Variants in GPD2 observed in about 807,000 individuals in gnomAD.
The protein encoded by GPD2 is glycerol-3-phosphate dehydrogenase 2.
GPD2 carries 54 observed loss-of-function variants against 82.4 expected under a neutral mutation model. The observed-to-expected ratio is 0.66, with a 90% CI of 0.53 to 0.82. The LOEUF (loss-of-function observed/expected upper bound fraction) is 0.82, where lower values mean the gene tolerates loss of function less well. Among genes scored for constraint, GPD2 ranks in the 40% least tolerant of loss-of-function variants. The pLI is 0.00. For missense variants in GPD2, 748 were observed against 896.2 expected (o/e 0.83, Z 2.11); for synonymous variants, 288 against 306.1 (o/e 0.94, Z 0.62).
rs1388602897 is a variant in GPD2 at position 156,585,233 on chromosome 2, G to A, written c.*2315G>A. 6.6e-6 allele frequency: 1 copy of A among 152,318 alleles called. No individual in the cohort carries two copies. Among genetic ancestry groups the A allele is most frequent in the African/African-American group, 2.4e-5 (1 of 41,384 alleles). 9.4% of individuals were successfully genotyped at this position (152,318 alleles called of 1,614,324 possible). On this transcript the variant is annotated 3_prime_UTR_variant, in exon 17 of 17. Coordinates refer to ENST00000438166, the MANE Select transcript of GPD2 (RefSeq NM_000408.5). The stretch of plus-strand genomic sequence containing the variant: ...TACCTGATTTAAGAAAGGGAGACAA[G>A]CAATAGGGGGGAATAAGCTTCTTCA...
At chr2:156,488,315 G>C (rs1409046407) in intron 2 of GPD2, among the ~76,000 whole-genome samples, 2 of 152,164 alleles carry the variant, frequency 1.3e-5, no homozygotes, top group African/African-American at 2.4e-5. Context: ...ATGCTTGTTG[G>C]ATTTTCCTTT....
At chr2:156,441,413 G>A (rs924817207) in intron 1 of GPD2, among the ~76,000 whole-genome samples, 11 of 152,050 alleles carry the variant, frequency 7.2e-5, no homozygotes, top group Admixed American at 6.6e-4. Context: ...GAAAAAACTA[G>A]CCAGGTGTGG....
chr2:156,479,816 C>T (rs1278606452), intron 2 of GPD2, among the ~76,000 whole-genome samples: 1 of 152,076 alleles, frequency 6.6e-6, no homozygotes, highest in Non-Finnish European at 1.5e-5. Context: ...ATTTTCTTGT[C>T]CCCTTTTCTT....
At chr2:156,400,660 C>T in the GPD2 span, among the ~76,000 whole-genome samples, 7 of 152,334 alleles carry the variant, frequency 4.6e-5, no homozygotes, top group Non-Finnish European at 7.3e-5. Flanking sequence ...AAACATATTT[C>T]AGAAGCACTC....
Position 156,582,942 on chromosome 2 carries a change from A to G in GPD2, c.*24A>G, listed in dbSNP as rs752911534. The G allele has an allele frequency of 6.2e-7, 1 of 1,611,910 alleles. No individual in the cohort carries two copies. Among genetic ancestry groups the G allele is most frequent in the Middle Eastern group, 1.7e-4 (1 of 6,050 alleles). On this transcript the variant is annotated 3_prime_UTR_variant, in exon 17 of 17. Transcript: ENST00000438166. ...GAGTCTGGGCAGTAAATCCACAGCC[A>G]ACAAACATAGAAACGACAAATCACC...
At chr2:156,522,030 TA>T (rs1473361429) in intron 6 of GPD2, among the ~76,000 whole-genome samples, 1 of 152,028 alleles carries the variant, frequency 6.6e-6, no homozygotes, top group African/African-American at 2.4e-5. Flanking sequence ...CAGCTAATGC[TA>T]AATGAAGTTT....
At chr2:156,578,622 G>A (rs919895032) in intron 13 of GPD2, among the ~76,000 whole-genome samples, 27 of 152,202 alleles carry the variant, frequency 1.8e-4, no homozygotes, top group African/African-American at 6.5e-4. Flanking sequence ...GTGTTTGCCT[G>A]TGGCTAGAGA....
At chr2:156,431,979 C>T (rs1382911424), upstream of GPD2, among the ~76,000 whole-genome samples, 2 of 151,286 alleles carry the variant, frequency 1.3e-5, no homozygotes, top group East Asian at 1.9e-4. Flanking sequence ...CTCTGCCTCC[C>T]GGGTTCAAGC....
chr2:156,477,429 CTCAA>C (rs1459125186), intron 2 of GPD2, among the ~76,000 whole-genome samples: 1 of 152,058 alleles, frequency 6.6e-6, no homozygotes, highest in Non-Finnish European at 1.5e-5. Context: ...GAAACCCTGT[CTCAA>C]TCAATCAATA....
At chr2:156,525,112 T>C (rs549601085) in intron 6 of GPD2, among the ~76,000 whole-genome samples, 5 of 152,328 alleles carry the variant, frequency 3.3e-5, no homozygotes, top group African/African-American at 1.2e-4. Context: ...TCAAAAATAA[T>C]GAGTTAGCTT....
chr2:156,569,986 G>C, intron 11 of GPD2, 101 bp from the exon 12 acceptor site: 1 of 1,025,122 alleles, frequency 9.8e-7, no homozygotes, highest in Non-Finnish European at 1.5e-6. Context: ...TTAGTTACAG[G>C]CTGTAAGAAA....
Position 156,586,071 on chromosome 2 carries a change from CA to C in GPD2, c.*3155del, listed in dbSNP as rs1395807949. 3.3e-5 allele frequency: 5 copies of C among 152,210 alleles called. No homozygotes were observed. In the Admixed American group the frequency reaches 3.3e-4, roughly 10 times the overall value. 9.4% of individuals were successfully genotyped at this position (152,210 alleles called of 1,614,324 possible). A position where few individuals can be genotyped will look rare whatever the true frequency, so the allele number is the denominator to read the frequency against. ...GAATGAGCTGCATGCATTTATAGAGCAATAAGAGGATGTATTTAATGTGCCT... is the reference window on the plus strand; with the variant it reads ...GAATGAGCTGCATGCATTTATAGAGCATAAGAGGATGTATTTAATGTGCCT... On this transcript the variant is annotated 3_prime_UTR_variant, in exon 17 of 17. Coordinates refer to ENST00000438166, the MANE Select transcript of GPD2 (RefSeq NM_000408.5).
At chr2:156,450,062 G>A (rs950249171) in intron 1 of GPD2, among the ~76,000 whole-genome samples, 4 of 152,020 alleles carry the variant, frequency 2.6e-5, no homozygotes, top group Admixed American at 2.6e-4. Flanking sequence ...ATATTTTTGA[G>A]ATAGAATTAG....
the GPD2 span, among the ~76,000 whole-genome samples, chr2:156,401,886 G>A: frequency 3.3e-5 from 5 of 152,126 alleles, no homozygotes; most frequent in Non-Finnish European, 7.4e-5. Context: ...GAAGGAAATG[G>A]ATTTATGGAA....
At chr2:156,500,408 A>G (rs1013259963) in intron 3 of GPD2, among the ~76,000 whole-genome samples, 2 of 152,162 alleles carry the variant, frequency 1.3e-5, no homozygotes, top group Middle Eastern at 3.2e-3. Context: ...GCATTTGGTT[A>G]ATGAATTGTG....
rs147388623 is a variant in GPD2 at position 156,490,185 on chromosome 2, C to T, written c.103-5859C>T. 5.9e-4 allele frequency among the ~76,000 whole-genome samples: 90 copies of T among 152,214 alleles called. 1 individual carries two copies. The East Asian group carries it at 0.014, about 23-fold the overall frequency. ...GTTGTTACCTGTTTTATTCTTGCTGCTTTTCTCCTTTTTATTTCCCCTCAA... is the reference window on the plus strand; with the variant it reads ...GTTGTTACCTGTTTTATTCTTGCTGTTTTTCTCCTTTTTATTTCCCCTCAA... On this transcript the variant is annotated intron_variant, in intron 2 of 16. Coordinates refer to ENST00000438166, the MANE Select transcript of GPD2 (RefSeq NM_000408.5).
Position 156,582,860 on chromosome 2 carries a change from A to AAG in GPD2, c.2130_2131dup (p.Asn711ArgfsTer23). On this transcript the variant is annotated frameshift_variant, in exon 17 of 17. Transcript: ENST00000438166. LOFTEE classifies it high-confidence loss of function. ...CTTGCTATACTAATGAAAACTGCAG[A>AAG]AGAGAACCTCGACAGAAGAGTTCCA... The AAG allele has an allele frequency of 6.2e-7, 1 of 1,613,228 alleles. No individual in the cohort carries two copies. Among genetic ancestry groups the AAG allele is most frequent in the Non-Finnish European group, 8.5e-7 (1 of 1,179,292 alleles).
intron 13 of GPD2, among the ~76,000 whole-genome samples, chr2:156,574,907 G>C (rs1687762952): frequency 6.6e-6 from 1 of 152,186 alleles, no homozygotes; most frequent in African/African-American, 2.4e-5. Flanking sequence ...GAATGCTGGA[G>C]AGTAAGGAGA....
intron 9 of GPD2, 65 bp downstream of exon 9, chr2:156,557,647 A>G: frequency 1.1e-6 from 1 of 893,922 alleles, no homozygotes; most frequent in Non-Finnish European, 1.9e-6. Context: ...TCCAGCTCTC[A>G]CTGGATAAAT....
Sources: gnomAD v4.1 joint callset for allele counts (sites outside exome capture counted in the v4.1 genomes callset) on GRCh38, gnomAD v4.1.1 for gene constraint, MANE v1.5 for transcripts, NCBI Gene and HGNC (gene_info 2026-07-23, HGNC 2026-07-21) for gene names.